Variants in NCKAP1L observed in about 807,000 individuals in gnomAD.
NCKAP1L encodes NCK associated protein 1 like.
A neutral mutation model predicts 139.2 loss-of-function variants in NCKAP1L; 53 were observed. That is an observed-to-expected ratio of 0.38 (90% confidence interval 0.31 to 0.48). NCKAP1L has a LOEUF of 0.48. NCKAP1L is among the 20% of genes least tolerant of loss of function. The pLI is 0.98. For synonymous variants in NCKAP1L, 468 were observed against 499.7 expected (o/e 0.94, Z 0.85); for missense variants, 1,151 against 1,381.9 (o/e 0.83, Z 2.65).
intron 22 of NCKAP1L, among the ~76,000 whole-genome samples, chr12:54,528,944 T>C (rs955740756): frequency 2.0e-5 from 3 of 152,174 alleles, no homozygotes; most frequent in African/African-American, 7.2e-5. Context: ...CAGCGTCTTA[T>C]GCTTTAGGGA....
chr12:54,516,454 T>G (rs534207017), intron 10 of NCKAP1L, among the ~76,000 whole-genome samples, 159 bp downstream of exon 10: 1 of 151,716 alleles, frequency 6.6e-6, no homozygotes, highest in South Asian at 2.1e-4. Context: ...TCTTTTCTTT[T>G]TTTTTTTTTT....
chr12:54,505,497 A>C (rs1372889523), intron 3 of NCKAP1L, among the ~76,000 whole-genome samples: 1 of 147,410 alleles, frequency 6.8e-6, no homozygotes, highest in Non-Finnish European at 1.5e-5. Flanking sequence ...TTCTGGCCCC[A>C]GGCAACCACT....
intron 30 of NCKAP1L, among the ~76,000 whole-genome samples, chr12:54,540,221 C>T (rs986235917): frequency 6.6e-6 from 1 of 152,170 alleles, no homozygotes; most frequent in African/African-American, 2.4e-5. Context: ...CCCAGAAATG[C>T]TAGGGGCCAG....
rs748779742 is a variant in NCKAP1L at position 54,535,212 on chromosome 12, A to G, written c.2956+15A>G. The G allele has an allele frequency of 1.2e-6, 2 of 1,603,354 alleles. No homozygotes were observed. Among genetic ancestry groups the G allele is most frequent in the South Asian group, 1.1e-5 (1 of 90,584 alleles). On this transcript the variant is annotated intron_variant, in intron 27 of 30. Coordinates refer to ENST00000293373, the MANE Select transcript of NCKAP1L (RefSeq NM_005337.5). ...TCTGAAAGCTGGTAAGATTGGGGAA[A>G]GGGGGCGAGATTTGGGAAAGGAGGG...
At chr12:54,531,620 G>C in intron 24 of NCKAP1L, 36 bp downstream of exon 24, 1 of 1,610,220 alleles carries the variant, frequency 6.2e-7, no homozygotes, top group Non-Finnish European at 8.5e-7. Context: ...AGAAGGAGCT[G>C]TGGAATCACA....
chr12:54,534,985 TA>T, intron 26 of NCKAP1L, 118 bp from the exon 27 acceptor site: 1 of 666,840 alleles, frequency 1.5e-6, no homozygotes. Flanking sequence ...TACATATATA[TA>T]AAAGCATCTT....
At position 54,518,780 on chromosome 12, in the gene NCKAP1L, T is replaced by A. The variant is rs752199944; in HGVS notation, c.1420+48T>A. ...GGCAGGACATATGTGAGGATGAACA[T>A]CTTTTATCCGGAAATATTGATCTTT... is the stretch of plus-strand genomic sequence containing the variant. On this transcript the variant is annotated intron_variant, in intron 14 of 30. Coordinates refer to ENST00000293373, the MANE Select transcript of NCKAP1L (RefSeq NM_005337.5). The A allele has an allele frequency of 2.6e-6, 4 of 1,546,092 alleles. No homozygotes were observed. The South Asian group carries it at 4.5e-5, about 17-fold the overall frequency.
intron 16 of NCKAP1L, among the ~76,000 whole-genome samples, 185 bp downstream of exon 16, chr12:54,519,517 C>T (rs1956964651): frequency 6.7e-6 from 1 of 149,128 alleles, no homozygotes; most frequent in Admixed American, 6.7e-5. Flanking sequence ...AATCCCCCTA[C>T]CTCAGCCTCC....
At chr12:54,510,676 A>AT (rs59196940) in intron 7 of NCKAP1L, among the ~76,000 whole-genome samples, 18,676 of 138,826 alleles carry the variant, frequency 0.13, 1,255 homozygotes, top group South Asian at 0.17. Flanking sequence ...CACCTGGGTA[A>AT]TTTTTTTTTT....
chr12:54,515,588 T>C (rs553193706), intron 9 of NCKAP1L, among the ~76,000 whole-genome samples: 3 of 152,104 alleles, frequency 2.0e-5, no homozygotes, highest in Non-Finnish European at 4.4e-5. Context: ...GGTGAGGAAG[T>C]AGAGAGAGTA....
rs935174109 is a variant in NCKAP1L at position 54,536,708 on chromosome 12, C to T, written c.3074-236C>T. On this transcript the variant is annotated intron_variant, in intron 28 of 30. Transcript: ENST00000293373. ...AAAGGAACAAAACACCAAAACACCC[C>T]CTACCCTGAAAAAAAAAAAAACCAG... 9.7e-4 allele frequency among the ~76,000 whole-genome samples: 94 copies of T among 97,326 alleles called. 1 individual carries two copies. Among genetic ancestry groups the T allele is most frequent in the Non-Finnish European group, 1.5e-3 (76 of 50,888 alleles). 63.8% of individuals were successfully genotyped at this position (97,326 alleles called of 152,430 possible). A position where few individuals can be genotyped will look rare whatever the true frequency, so the allele number is the denominator to read the frequency against.
chr12:54,537,860 A>T (rs73109132), intron 29 of NCKAP1L, among the ~76,000 whole-genome samples: 22,049 of 151,982 alleles, frequency 0.15, 1,939 homozygotes, highest in East Asian at 0.31. Flanking sequence ...CCAATTTCTT[A>T]AAAAAAATGT....
chr12:54,513,864 A>AT (rs932370626), intron 9 of NCKAP1L, among the ~76,000 whole-genome samples: 22 of 152,058 alleles, frequency 1.4e-4, no homozygotes, highest in East Asian at 3.9e-4. Flanking sequence ...CAAAATACCA[A>AT]TTTTTTTTCT....
intron 27 of NCKAP1L, 135 bp from the exon 28 acceptor site, chr12:54,535,994 C>CT (rs1957110398): frequency 1.5e-6 from 1 of 656,674 alleles, no homozygotes; most frequent in African/African-American, 1.8e-5. Flanking sequence ...TGCCCATAGG[C>CT]TTTATAAAGT....
chr12:54,511,738 T>A lies in NCKAP1L; in HGVS notation c.736-65T>A, dbSNP rs1004776770. On this transcript the variant is annotated intron_variant, in intron 7 of 30. Transcript: ENST00000293373. ...TAGTTTTGATACTCAGATCCTAGTT[T>A]GTCCTTTCTCCTTTAGAGGAAGGCC... 9 of 1,563,848 alleles carry A rather than the reference T, an allele frequency of 5.8e-6. No individual in the cohort carries two copies. The African/African-American group carries it at 1.2e-4, about 21-fold the overall frequency.
chr12:54,532,136 T>C, intron 25 of NCKAP1L, 34 bp from the exon 26 acceptor site: 1 of 1,502,594 alleles, frequency 6.7e-7, no homozygotes, highest in Non-Finnish European at 9.2e-7. Flanking sequence ...TTGGTCATGG[T>C]CTTGTGGACT....
In NCKAP1L at chr12:54,500,553, T is replaced by A. The variant is rs1166805043; in HGVS notation, c.234T>A (p.His78Gln). The A allele has an allele frequency of 6.2e-7, 1 of 1,613,062 alleles. No individual in the cohort carries two copies. The highest frequency in any genetic ancestry group is 8.5e-7 in the Non-Finnish European group (1 of 1,179,078). The change falls in exon 3 of 31, where the codon CAT becomes CAA. Residue 78 changes from histidine to glutamine, a missense_variant. Transcript: ENST00000293373. ...CTCAGCAACATTTAGGACCAGTACA[T>A]CGTGAAAAAGCCGAGATAATTAGAT... ...RNSTQHLGPV[H>Q]REKAEIIRFL...
chr12:54,516,218 T>C, intron 9 of NCKAP1L, 21 bp from the exon 10 acceptor site: 1 of 1,613,824 alleles, frequency 6.2e-7, no homozygotes, highest in Non-Finnish European at 8.5e-7. Context: ...TCAACCCCAT[T>C]GTGCTTGTGT....
In NCKAP1L at chr12:54,542,620, T is replaced by G; in HGVS notation, c.3319T>G (p.Cys1107Gly). 2 of 1,614,214 alleles carry G rather than the reference T, an allele frequency of 1.2e-6. No individual in the cohort carries two copies. The highest frequency in any genetic ancestry group is 1.1e-5 in the South Asian group (1 of 91,084). The change falls in exon 31 of 31, where the codon TGT becomes GGT. Residue 1107 changes from cysteine to glycine, a missense_variant. Cys to Gly is a radical substitution (Grantham distance 159). Transcript: ENST00000293373. ...SFLTLDMLES[C>G]FPYVLLRNAY... ...CCTGACCCTGGACATGCTGGAGTCC[T>G]GTTTCCCTTATGTCCTGCTTCGAAA...
Sources: allele counts gnomAD v4.1 joint callset (sites outside exome capture counted in the v4.1 genomes callset), GRCh38; gene constraint gnomAD v4.1.1; transcripts MANE v1.5; gene names NCBI Gene and HGNC (gene_info 2026-07-23, HGNC 2026-07-21).